NLGN1: variants seen among roughly 807,000 people sequenced by gnomAD.
The protein encoded by NLGN1 is neuroligin-1.
In NLGN1, 12 loss-of-function variants were observed where a neutral mutation model predicts 65.5. The observed-to-expected ratio is 0.18, with a 90% CI of 0.12 to 0.30. The LOEUF is 0.30. Among genes scored for constraint, NLGN1 ranks in the 10% least tolerant of loss-of-function variants. NLGN1 has a pLI of 1.00. For missense variants in NLGN1, 750 were observed against 1,007.1 expected (o/e 0.74, Z 3.46); for synonymous variants, 350 against 359.5 (o/e 0.97, Z 0.30).
intron 4 of NLGN1, among the ~76,000 whole-genome samples, chr3:174,047,886 G>C (rs1431592675): frequency 6.6e-6 from 1 of 151,828 alleles, no homozygotes; most frequent in Non-Finnish European, 1.5e-5. Context: ...AATTTTGCTA[G>C]GAAAAAGTAA....
At chr3:173,432,022 G>A (rs1717270932) in intron 1 of NLGN1, among the ~76,000 whole-genome samples, 1 of 152,162 alleles carries the variant, frequency 6.6e-6, no homozygotes, top group Admixed American at 6.6e-5. Context: ...TTAGTAATAT[G>A]CATGTAAGGT....
At chr3:173,632,576 C>T (rs1285144296) in intron 3 of NLGN1, among the ~76,000 whole-genome samples, 1 of 152,148 alleles carries the variant, frequency 6.6e-6, no homozygotes, top group Non-Finnish European at 1.5e-5. Flanking sequence ...TTAGCTCTGT[C>T]ATACCTATGT....
intron 4 of NLGN1, among the ~76,000 whole-genome samples, chr3:174,273,977 CCTAG>C (rs1561448967): frequency 6.6e-6 from 1 of 151,596 alleles, no homozygotes; most frequent in East Asian, 1.9e-4. Flanking sequence ...TAATCGATGT[CCTAG>C]CTTATTTTAT....
chr3:174,044,979 G>T (rs1018465227), intron 4 of NLGN1, among the ~76,000 whole-genome samples: 3 of 152,016 alleles, frequency 2.0e-5, no homozygotes, highest in Non-Finnish European at 4.4e-5. Flanking sequence ...GTTTCCTGAG[G>T]CCTCCCCAGC....
chr3:173,442,073 T>C (rs1719304522), intron 2 of NLGN1, among the ~76,000 whole-genome samples: 1 of 152,178 alleles, frequency 6.6e-6, no homozygotes, highest in Non-Finnish European at 1.5e-5. Context: ...TGTAAAAATA[T>C]GTATAAACAG....
intron 3 of NLGN1, among the ~76,000 whole-genome samples, chr3:173,724,734 A>G (rs1013074606): frequency 2.0e-5 from 3 of 152,178 alleles, no homozygotes; most frequent in African/African-American, 7.2e-5. Context: ...ACATGCACAC[A>G]TATGTTTATT....
At chr3:173,688,620 C>T (rs897498419) in intron 3 of NLGN1, among the ~76,000 whole-genome samples, 4 of 152,150 alleles carry the variant, frequency 2.6e-5, no homozygotes, top group Non-Finnish European at 4.4e-5. Flanking sequence ...GCAGACACTA[C>T]GTTATTAAAG....
At chr3:173,705,810 C>T (rs1476012739) in intron 3 of NLGN1, among the ~76,000 whole-genome samples, 1 of 151,778 alleles carries the variant, frequency 6.6e-6, no homozygotes, top group Non-Finnish European at 1.5e-5. Context: ...CTGCTTTGAA[C>T]ATTTTGGTCA....
At chr3:173,704,982 A>G (rs1767826126) in intron 3 of NLGN1, among the ~76,000 whole-genome samples, 1 of 152,164 alleles carries the variant, frequency 6.6e-6, no homozygotes, top group Non-Finnish European at 1.5e-5. Context: ...CAATCTTGAC[A>G]ATTTTCTTTA....
chr3:173,671,155 C>G (rs1298080259), intron 3 of NLGN1, among the ~76,000 whole-genome samples: 2 of 152,130 alleles, frequency 1.3e-5, no homozygotes. Context: ...CCTGGCAAAA[C>G]TCTGAGCAAT....
chr3:173,972,368 A>G (rs1042533065), intron 4 of NLGN1, among the ~76,000 whole-genome samples: 24 of 152,182 alleles, frequency 1.6e-4, no homozygotes, highest in African/African-American at 5.8e-4. Flanking sequence ...CAGAAAAGTC[A>G]TGAGACTGCT....
At chr3:174,246,062 C>T (rs1743726162) in intron 4 of NLGN1, among the ~76,000 whole-genome samples, 1 of 152,150 alleles carries the variant, frequency 6.6e-6, no homozygotes, top group Non-Finnish European at 1.5e-5. Flanking sequence ...TATAATTTAG[C>T]ATAAGTTCAT....
chr3:174,058,056 G>T (rs1447842866), intron 4 of NLGN1, among the ~76,000 whole-genome samples: 1 of 152,096 alleles, frequency 6.6e-6, no homozygotes, highest in African/African-American at 2.4e-5. Context: ...TGAAGTGACT[G>T]TTGAAATGCA....
At chr3:173,953,135 A>G (rs969147836) in intron 4 of NLGN1, among the ~76,000 whole-genome samples, 6 of 152,216 alleles carry the variant, frequency 3.9e-5, no homozygotes, top group African/African-American at 1.4e-4. Context: ...GTTTATCAGC[A>G]GTCAGAGTAG....
At chr3:174,217,215 T>C (rs559307467) in intron 4 of NLGN1, among the ~76,000 whole-genome samples, 3 of 152,252 alleles carry the variant, frequency 2.0e-5, no homozygotes, top group Admixed American at 1.3e-4. Context: ...TATGTATCAG[T>C]AAATATTCTC....
At chr3:173,613,168 T>G (rs890260394) in intron 3 of NLGN1, among the ~76,000 whole-genome samples, 1 of 152,134 alleles carries the variant, frequency 6.6e-6, no homozygotes, top group Non-Finnish European at 1.5e-5. Context: ...TGAAGGACAC[T>G]AAGGACATTG....
chr3:173,743,626 G>C (rs1774964622), intron 3 of NLGN1, among the ~76,000 whole-genome samples: 1 of 152,060 alleles, frequency 6.6e-6, no homozygotes, highest in Non-Finnish European at 1.5e-5. Flanking sequence ...CTAACATTCT[G>C]TTTTCTATGT....
intron 4 of NLGN1, among the ~76,000 whole-genome samples, chr3:174,162,377 G>A (rs1036898423): frequency 1.3e-5 from 2 of 151,782 alleles, no homozygotes; most frequent in Non-Finnish European, 2.9e-5. Flanking sequence ...TCCAGTTATG[G>A]ATTGAGTTTG....
intron 4 of NLGN1, among the ~76,000 whole-genome samples, chr3:173,990,712 C>T (rs1239587978): frequency 6.6e-6 from 1 of 151,878 alleles, no homozygotes; most frequent in African/African-American, 2.4e-5. Context: ...AGTAAACAAC[C>T]CACAGCTGTT....
Sources: allele counts gnomAD v4.1 joint callset (sites outside exome capture counted in the v4.1 genomes callset), GRCh38; gene constraint gnomAD v4.1.1; transcripts MANE v1.5; gene names NCBI Gene and HGNC (gene_info 2026-07-23, HGNC 2026-07-21).